Variants in ADAMTS6 observed in about 807,000 individuals in gnomAD.
ADAMTS6 encodes the protein ADAM metallopeptidase with thrombospondin type 1 motif 6.
In ADAMTS6, 23 loss-of-function variants were observed where a neutral mutation model predicts 144.3. That is an observed-to-expected ratio of 0.16 (90% CI 0.11 to 0.23). The LOEUF (loss-of-function observed/expected upper bound fraction) is 0.23. ADAMTS6 is among the 10% of genes least tolerant of loss of function. The pLI, the probability that ADAMTS6 is intolerant of heterozygous loss-of-function variation, is 1.00. For missense variants in ADAMTS6, 999 were observed against 1,379.6 expected, an observed-to-expected ratio of 0.72 and a Z score of 4.37; for synonymous variants, 444 against 457.5, an observed-to-expected ratio of 0.97 and a Z score of 0.38.
chr5:65,393,520 T>C (rs1230069345), intron 7 of ADAMTS6, among the ~76,000 whole-genome samples: 1 of 152,204 alleles, frequency 6.6e-6, no homozygotes, highest in African/African-American at 2.4e-5. Context: ...CATTTCATTA[T>C]GTAAACAGAT....
chr5:65,470,885 C>T lies in ADAMTS6; in HGVS notation c.355G>A (p.Asp119Asn). The T allele has an allele frequency of 6.2e-7, 1 of 1,610,746 alleles. No individual in the cohort carries two copies. The highest frequency in any genetic ancestry group is 8.5e-7 in the Non-Finnish European group (1 of 1,179,164). The change falls in exon 3 of 25, where the codon GAT (aspartate) becomes AAT (asparagine). Residue 119 changes from aspartate to asparagine, a missense_variant. Asp to Asn is a conservative substitution (Grantham distance 23). This residue lies in a region of ADAMTS6 where 252 missense variants were observed against 293.7 expected (regional missense o/e 0.86). Transcript: ENST00000381055. ...KHFTVEYWGK[D>N]GPQWKHDFLD... ...AAATCATGTTTCCACTGGGGTCCATCTTTCCCCCAATATTCTACTGTAAAA... is the reference window on the plus strand; with the variant it reads ...AAATCATGTTTCCACTGGGGTCCATTTTTCCCCCAATATTCTACTGTAAAA...
intron 9 of ADAMTS6, among the ~76,000 whole-genome samples, chr5:65,309,122 CG>C (rs968058527): frequency 7.2e-6 from 1 of 139,566 alleles, no homozygotes; most frequent in African/African-American, 2.6e-5. Flanking sequence ...GGGTTGGTGG[CG>C]GGGGGGTGGT....
At chr5:65,347,840 C>T (rs1748489200) in intron 7 of ADAMTS6, among the ~76,000 whole-genome samples, 1 of 151,644 alleles carries the variant, frequency 6.6e-6, no homozygotes, top group Admixed American at 6.6e-5. Context: ...TCTTCTGATC[C>T]ATAGAACAAA....
intron 9 of ADAMTS6, among the ~76,000 whole-genome samples, chr5:65,306,017 A>G (rs376470932): frequency 2.6e-5 from 4 of 152,304 alleles, no homozygotes; most frequent in South Asian, 2.1e-4. Flanking sequence ...ACTTGCCATA[A>G]AAGTGGTAGA....
At chr5:65,347,166 C>T (rs886618395) in intron 7 of ADAMTS6, among the ~76,000 whole-genome samples, 11 of 151,568 alleles carry the variant, frequency 7.3e-5, no homozygotes, top group East Asian at 3.9e-4. Context: ...AAATTTCCAA[C>T]GACATTTTTC....
At position 65,285,659 on chromosome 5, in the gene ADAMTS6, A is replaced by G. The variant is rs149654413; in HGVS notation, c.1512+5670T>C. On this transcript the variant is annotated intron_variant, in intron 11 of 24. Coordinates refer to ENST00000381055, the MANE Select transcript of ADAMTS6 (RefSeq NM_197941.4). ...TCTAGGGGGGAAAGTAGTAATAAGC[A>G]AGATAAACAAGTAAAATAGATAGTA... Among the ~76,000 whole-genome samples the G allele has an allele frequency of 2.4e-3, 365 of 152,308 alleles. 2 individuals are homozygous for G. The highest frequency in any genetic ancestry group is 8.1e-3 in the African/African-American group (337 of 41,570).
chr5:65,474,501 A>T (rs1760702052), intron 1 of ADAMTS6, among the ~76,000 whole-genome samples: 1 of 152,116 alleles, frequency 6.6e-6, no homozygotes, highest in Admixed American at 6.5e-5. Context: ...TGTATGTACT[A>T]TAACCCTTGA....
At chr5:65,438,716 T>G (rs1757642329) in intron 7 of ADAMTS6, among the ~76,000 whole-genome samples, 1 of 152,230 alleles carries the variant, frequency 6.6e-6, no homozygotes, top group Admixed American at 6.5e-5. Context: ...AGATATAGTA[T>G]GTACTTTGGG....
intron 7 of ADAMTS6, among the ~76,000 whole-genome samples, chr5:65,339,537 T>A (rs1026079788): frequency 2.1e-5 from 3 of 145,266 alleles, no homozygotes; most frequent in Admixed American, 2.0e-4. Flanking sequence ...ATATATGAAA[T>A]GCCAGAAAAA....
chr5:65,207,374 T>C (rs542296959), intron 20 of ADAMTS6, among the ~76,000 whole-genome samples: 9 of 152,242 alleles, frequency 5.9e-5, no homozygotes, highest in African/African-American at 1.9e-4. Flanking sequence ...ATAATAAATA[T>C]AAAATATCGT....
At chr5:65,403,366 A>T (rs1469601303) in intron 7 of ADAMTS6, among the ~76,000 whole-genome samples, 1 of 152,072 alleles carries the variant, frequency 6.6e-6, no homozygotes, top group Non-Finnish European at 1.5e-5. Flanking sequence ...CTATATAATT[A>T]TGTCTCCCAA....
chr5:65,411,618 G>A (rs1469911157), intron 7 of ADAMTS6, among the ~76,000 whole-genome samples: 1 of 152,080 alleles, frequency 6.6e-6, no homozygotes, highest in Non-Finnish European at 1.5e-5. Context: ...GAGTTTGATA[G>A]GTTGTCACAG....
intron 7 of ADAMTS6, among the ~76,000 whole-genome samples, chr5:65,412,170 T>C (rs2150183875): frequency 6.6e-6 from 1 of 152,292 alleles, no homozygotes; most frequent in East Asian, 1.9e-4. Flanking sequence ...TCTTTAATGC[T>C]ATAAATCCTT....
At chr5:65,339,751 G>A (rs1041042546) in intron 7 of ADAMTS6, among the ~76,000 whole-genome samples, 6 of 151,744 alleles carry the variant, frequency 4.0e-5, no homozygotes, top group Admixed American at 2.0e-4. Flanking sequence ...ACTAGATCAG[G>A]CAGAAGAAAG....
chr5:65,350,378 T>C (rs771196644), intron 7 of ADAMTS6, among the ~76,000 whole-genome samples: 2 of 152,170 alleles, frequency 1.3e-5, no homozygotes, highest in African/African-American at 2.4e-5. Flanking sequence ...TTTAATTTTT[T>C]TCTTTTAGGT....
At chr5:65,312,492 A>G (rs1744590240) in intron 9 of ADAMTS6, among the ~76,000 whole-genome samples, 1 of 152,048 alleles carries the variant, frequency 6.6e-6, no homozygotes, top group African/African-American at 2.4e-5. Flanking sequence ...AATTATTACA[A>G]TTTGCTCATG....
intron 9 of ADAMTS6, among the ~76,000 whole-genome samples, chr5:65,312,314 A>T (rs1228880290): frequency 6.6e-6 from 1 of 152,046 alleles, no homozygotes; most frequent in African/African-American, 2.4e-5. Flanking sequence ...GACATTCTTA[A>T]TTTAGAATGA....
At chr5:65,474,987 CGTTT>C (rs1438671758) in intron 1 of ADAMTS6, among the ~76,000 whole-genome samples, 1 of 151,530 alleles carries the variant, frequency 6.6e-6, no homozygotes, top group African/African-American at 2.4e-5. Flanking sequence ...AAGATAAATG[CGTTT>C]AATAAGGTAA....
chr5:65,327,427 A>AT (rs78646201), intron 9 of ADAMTS6, among the ~76,000 whole-genome samples: 103 of 145,090 alleles, frequency 7.1e-4, no homozygotes, highest in East Asian at 1.2e-3. Flanking sequence ...GGAAAAACCT[A>AT]TTTTTTTTTT....
Sources: gnomAD v4.1 joint callset for allele counts (sites outside exome capture counted in the v4.1 genomes callset) on GRCh38, gnomAD v4.1.1 for gene constraint, gnomAD v4.1.1 regional missense constraint, MANE v1.5 for transcripts, NCBI Gene and HGNC (gene_info 2026-07-23, HGNC 2026-07-21) for gene names.